Variants in FADS2 observed in about 807,000 individuals in gnomAD.
The protein encoded by FADS2 is acyl-CoA 6-desaturase.
In FADS2, 18 loss-of-function variants were observed where a neutral mutation model predicts 61.2. The ratio of observed to expected loss-of-function variants is 0.29; its 90% CI spans 0.20 to 0.44. FADS2 has a LOEUF of 0.44. FADS2 is among the 20% of genes least tolerant of loss of function. FADS2 has a pLI of 1.00. For missense variants in FADS2, 322 were observed against 572.7 expected (o/e 0.56, Z 4.47); for synonymous variants, 203 against 223.9 (o/e 0.91, Z 0.83).
chr11:61,841,851 A>T (rs17156426), intron 4 of FADS2, among the ~76,000 whole-genome samples: 2 of 152,284 alleles, frequency 1.3e-5, no homozygotes, highest in East Asian at 3.9e-4. Context: ...GACAAAAGTC[A>T]TTAGAAGTGC....
chr11:61,840,590 G>A, intron 3 of FADS2, 34 bp from the exon 4 acceptor site: 1 of 1,612,792 alleles, frequency 6.2e-7, no homozygotes, highest in South Asian at 1.1e-5. Context: ...TGTTTGCTGA[G>A]GCTGTGACAG....
At chr11:61,832,561 G>A in intron 1 of FADS2, among the ~76,000 whole-genome samples, 1 of 152,212 alleles carries the variant, frequency 6.6e-6, no homozygotes, top group East Asian at 1.9e-4. Flanking sequence ...TCAGGGTAGT[G>A]CATGGACCCT....
chr11:61,840,760 G>C, intron 4 of FADS2, 35 bp downstream of exon 4: 3 of 1,499,272 alleles, frequency 2.0e-6, no homozygotes, highest in Middle Eastern at 1.7e-4. Context: ...CTGTCCTGTT[G>C]GACAGCAGTT....
Position 61,840,505 on chromosome 11 carries a change from A to G in FADS2, c.490A>G (p.Thr164Ala), listed in dbSNP as rs2067209842. Residue 164 changes from threonine (T) to alanine (A), a missense_variant, in exon 3 of 12, where the codon ACG becomes GCG. Around this residue, in one of 3 missense-constraint regions of FADS2, gnomAD observed 221 missense variants for 427.9 expected, o/e 0.52. Coordinates refer to ENST00000278840, the MANE Select transcript of FADS2 (RefSeq NM_004265.4). ...CAATGGCTGGATTCCTACCCTCATC[A>G]CGGCCTTTGTCCTTGCTACCTCTCA... ...FGNGWIPTLITAFVLATSQAQ... is the reference protein window; with the variant it reads ...FGNGWIPTLIAAFVLATSQAQ... 1 of 1,614,042 alleles carries G rather than the reference A, an allele frequency of 6.2e-7. No homozygotes were observed.
chr11:61,830,577 G>A (rs904904504), intron 1 of FADS2, among the ~76,000 whole-genome samples: 4 of 152,150 alleles, frequency 2.6e-5, no homozygotes, highest in African/African-American at 7.2e-5. Context: ...CTGCTCCAGC[G>A]CTTTCTGTAT....
chr11:61,823,863 C>CTA (rs1401466155), upstream of FADS2, among the ~76,000 whole-genome samples: 4 of 152,132 alleles, frequency 2.6e-5, no homozygotes, highest in African/African-American at 9.7e-5. Context: ...TTTAAGGCAT[C>CTA]TAAATTTGAT....
intron 5 of FADS2, among the ~76,000 whole-genome samples, chr11:61,850,091 T>C (rs1337568205): frequency 6.6e-6 from 1 of 152,100 alleles, no homozygotes; most frequent in Non-Finnish European, 1.5e-5. Flanking sequence ...TTGCCACCTC[T>C]GCGAATGTGG....
chr11:61,822,649 C>T (rs2067044044), intron 1 of FADS2, among the ~76,000 whole-genome samples: 1 of 152,100 alleles, frequency 6.6e-6, no homozygotes, highest in South Asian at 2.1e-4. Context: ...GTCCTCTAGG[C>T]GTTGTTGTAA....
At chr11:61,844,955 G>T (rs1591172370) in intron 4 of FADS2, among the ~76,000 whole-genome samples, 1 of 130,340 alleles carries the variant, frequency 7.7e-6, no homozygotes, top group African/African-American at 2.8e-5. Context: ...AAAAAAGAAA[G>T]AAAATGAAAT....
intron 5 of FADS2, among the ~76,000 whole-genome samples, chr11:61,853,695 G>A (rs905933928): frequency 3.9e-5 from 6 of 151,994 alleles, no homozygotes; most frequent in East Asian, 1.9e-4. Flanking sequence ...CACCCATCCC[G>A]CCTTGGGACA....
intron 4 of FADS2, among the ~76,000 whole-genome samples, chr11:61,845,030 CTTTTTTTTTTTTTTTT>C (rs71046747): frequency 7.0e-4 from 31 of 44,162 alleles, no homozygotes; most frequent in Admixed American, 1.1e-3. Flanking sequence ...CAGAAGTGCA[CTTTTTTTTTTTTTTTT>C]TTTTTTTTTT....
intron 4 of FADS2, among the ~76,000 whole-genome samples, chr11:61,841,529 C>A (rs1281878501): frequency 7.3e-5 from 11 of 149,762 alleles, no homozygotes; most frequent in Admixed American, 6.6e-4. Context: ...TGAGACCCCC[C>A]CCCATCTCTC....
chr11:61,851,963 GT>G (rs1225962841), intron 5 of FADS2, among the ~76,000 whole-genome samples: 1 of 152,196 alleles, frequency 6.6e-6, no homozygotes, highest in African/African-American at 2.4e-5. Context: ...GTTCTTTAAG[GT>G]TTTGTGTTTC....
At chr11:61,831,202 G>T (rs1156581982) in intron 1 of FADS2, among the ~76,000 whole-genome samples, 2 of 152,186 alleles carry the variant, frequency 1.3e-5, no homozygotes, top group African/African-American at 4.8e-5. Context: ...GCAGGAACAG[G>T]CTACTGAAAT....
At chr11:61,843,394 C>T (rs1388311330) in intron 4 of FADS2, among the ~76,000 whole-genome samples, 1 of 152,242 alleles carries the variant, frequency 6.6e-6, no homozygotes, top group East Asian at 1.9e-4. Context: ...GGTGCCACTA[C>T]ATTCCAGCAT....
chr11:61,834,675 A>G (rs1044278186), intron 1 of FADS2, among the ~76,000 whole-genome samples: 2 of 152,186 alleles, frequency 1.3e-5, no homozygotes, highest in Non-Finnish European at 2.9e-5. Flanking sequence ...TCAATGAGAC[A>G]AGAGGAATCC....
intron 1 of FADS2, among the ~76,000 whole-genome samples, chr11:61,833,559 G>A (rs1473796576): frequency 1.3e-5 from 2 of 152,256 alleles, no homozygotes; most frequent in Non-Finnish European, 2.9e-5. Flanking sequence ...ATTCCCGAGT[G>A]TGATAGTGGG....
intron 5 of FADS2, chr11:61,849,890 G>T (rs1194529711): frequency 6.6e-6 from 1 of 151,758 alleles, no homozygotes; most frequent in East Asian, 2.0e-4. Context: ...GATTAGCCAG[G>T]TGTAGTGGTG....
intron 1 of FADS2, among the ~76,000 whole-genome samples, chr11:61,834,500 G>A (rs1565328252): frequency 6.6e-6 from 1 of 152,118 alleles, no homozygotes; most frequent in Non-Finnish European, 1.5e-5. Flanking sequence ...GGGAGGTGAG[G>A]CTGCCCGAGA....
Sources: gnomAD v4.1 joint callset for allele counts (sites outside exome capture counted in the v4.1 genomes callset) on GRCh38, gnomAD v4.1.1 for gene constraint, gnomAD v4.1.1 regional missense constraint, MANE v1.5 for transcripts, NCBI Gene and HGNC (gene_info 2026-07-23, HGNC 2026-07-21) for gene names.